PDE10A: variants seen among roughly 807,000 people sequenced by gnomAD.
The protein encoded by PDE10A is phosphodiesterase 10A.
Under a neutral mutation model 97.7 loss-of-function variants are expected in PDE10A, and 39 were observed. The ratio of observed to expected loss-of-function variants is 0.40; its 90% CI spans 0.31 to 0.52. The LOEUF (loss-of-function observed/expected upper bound fraction) is 0.52. Among genes scored for constraint, PDE10A ranks in the 20% least tolerant of loss-of-function variants. The pLI, the probability that PDE10A is intolerant of heterozygous loss-of-function variation, is 0.56. For synonymous variants in PDE10A, 371 were observed against 376.8 expected, an observed-to-expected ratio of 0.98 and a Z score of 0.18; for missense variants, 731 against 1,047.8, an observed-to-expected ratio of 0.70 and a Z score of 4.17.
At position 165,610,548 on chromosome 6, in the gene PDE10A, AAG is replaced by A. The variant is rs1457908979; in HGVS notation, c.865+51397_865+51398del. Among the ~76,000 whole-genome samples, 431 of 151,616 alleles carry A rather than the reference AAG, an allele frequency of 2.8e-3. 1 individual carries two copies. The highest frequency in any genetic ancestry group is 9.6e-3 in the African/African-American group (397 of 41,222). ...TCCGTCTCAAAAAAAAAAAAAAAAAAAGAAAGAAATGGGGAAAGGATTCCCTA... is the reference window on the plus strand; with the variant it reads ...TCCGTCTCAAAAAAAAAAAAAAAAAAAAAGAAATGGGGAAAGGATTCCCTA... On this transcript the variant is annotated intron_variant, in intron 1 of 21. Transcript: ENST00000539869.
At chr6:165,931,659 T>A (rs754610606) in intron 1 of PDE10A, among the ~76,000 whole-genome samples, 5 of 152,218 alleles carry the variant, frequency 3.3e-5, no homozygotes, top group Non-Finnish European at 7.3e-5. Flanking sequence ...CATCTGATAT[T>A]TGTATTCCTT....
At chr6:165,522,770 C>T (rs1233327169) in intron 2 of PDE10A, among the ~76,000 whole-genome samples, 2 of 152,076 alleles carry the variant, frequency 1.3e-5, no homozygotes, top group South Asian at 4.2e-4. Flanking sequence ...GATGATGTAA[C>T]CAGAGCAACT....
At chr6:165,394,248 T>C (rs1476038369) in intron 15 of PDE10A, among the ~76,000 whole-genome samples, 1 of 152,104 alleles carries the variant, frequency 6.6e-6, no homozygotes, top group Non-Finnish European at 1.5e-5. Flanking sequence ...CCCCAGTGTG[T>C]GATGTTCCCC....
chr6:165,825,153 A>AG (rs1779695745), intron 1 of PDE10A, among the ~76,000 whole-genome samples: 1 of 104,696 alleles, frequency 9.6e-6, no homozygotes, highest in Non-Finnish European at 2.0e-5. Context: ...CTCAAAAAAA[A>AG]AAAAAAAAAG....
At chr6:165,747,375 G>A (rs1426918745) in intron 1 of PDE10A, among the ~76,000 whole-genome samples, 1 of 152,058 alleles carries the variant, frequency 6.6e-6, no homozygotes, top group Non-Finnish European at 1.5e-5. Context: ...ACTGGTATGG[G>A]GCACACTCCA....
At chr6:165,792,009 C>T (rs760877879) in intron 1 of PDE10A, among the ~76,000 whole-genome samples, 12 of 152,166 alleles carry the variant, frequency 7.9e-5, no homozygotes, top group Non-Finnish European at 1.3e-4. Context: ...TGGAATCGAT[C>T]GGCTGGTCCT....
intron 18 of PDE10A, among the ~76,000 whole-genome samples, chr6:165,353,241 C>CA (rs1782813147): frequency 6.6e-6 from 1 of 152,008 alleles, no homozygotes; most frequent in Non-Finnish European, 1.5e-5. Context: ...GGTGGGAATG[C>CA]AAAAAGGTAC....
intron 1 of PDE10A, among the ~76,000 whole-genome samples, chr6:165,673,305 T>A (rs1417938699): frequency 1.3e-5 from 2 of 152,186 alleles, no homozygotes; most frequent in Non-Finnish European, 2.9e-5. Flanking sequence ...GCCAACATGG[T>A]ATTTAGTATA....
chr6:165,553,201 G>A (rs1317581454), intron 1 of PDE10A, among the ~76,000 whole-genome samples: 4 of 152,088 alleles, frequency 2.6e-5, no homozygotes, highest in African/African-American at 9.7e-5. Context: ...TTAAGAGATA[G>A]ATAGGCTCTA....
chr6:165,867,230 GAA>G (rs35066433), intron 1 of PDE10A, among the ~76,000 whole-genome samples: 149 of 137,296 alleles, frequency 1.1e-3, no homozygotes, highest in Middle Eastern at 3.7e-3. Flanking sequence ...AGACTGAATG[GAA>G]AAAAAAAAAA....
intron 1 of PDE10A, among the ~76,000 whole-genome samples, chr6:165,943,226 A>AGAAGGAAGGAAGGAAG (rs1562809744): frequency 2.0e-4 from 10 of 50,054 alleles, no homozygotes; most frequent in South Asian, 1.8e-3. Context: ...AAAGAAAGAA[A>AGAAGGAAGGAAGGAAG]GAAAGAAAGA....
At chr6:165,724,258 C>T (rs1312902852) in intron 1 of PDE10A, among the ~76,000 whole-genome samples, 1 of 152,192 alleles carries the variant, frequency 6.6e-6, no homozygotes, top group Admixed American at 6.5e-5. Context: ...ACTAGTCTAA[C>T]CCCTAGGGGC....
chr6:165,766,895 C>G (rs1386170954), intron 1 of PDE10A, among the ~76,000 whole-genome samples: 1 of 152,190 alleles, frequency 6.6e-6, no homozygotes. Context: ...TTTTTCATAT[C>G]AATAGCCATT....
chr6:165,847,151 C>A lies in PDE10A; in HGVS notation c.-615+140378G>T, dbSNP rs565414513. ...ACACACCTAATCACAGCAGATAGAG[C>A]CAGACAGGCTGAAATTCACTGGCTA... On this transcript the variant is annotated intron_variant, in intron 1 of 19. Transcript: ENST00000366882. 1.1e-4 allele frequency among the ~76,000 whole-genome samples: 16 copies of A among 152,296 alleles called. No homozygotes were observed. In the South Asian group the frequency reaches 3.3e-3, roughly 32 times the overall value.
chr6:165,516,334 C>T (rs1781804056), intron 2 of PDE10A, among the ~76,000 whole-genome samples: 1 of 152,196 alleles, frequency 6.6e-6, no homozygotes, highest in African/African-American at 2.4e-5. Flanking sequence ...CTTCAAAACA[C>T]ATCTTAAAAG....
chr6:165,640,970 AG>A (rs1453352984), intron 1 of PDE10A, among the ~76,000 whole-genome samples: 1 of 152,220 alleles, frequency 6.6e-6, no homozygotes, highest in Non-Finnish European at 1.5e-5. Context: ...GTGTCCATGC[AG>A]TCAGAAGAGG....
At chr6:165,437,331 T>G (rs75780776) in intron 5 of PDE10A, among the ~76,000 whole-genome samples, 20,461 of 152,208 alleles carry the variant, frequency 0.13, 1,687 homozygotes, top group Middle Eastern at 0.25. Flanking sequence ...TAACAGACTA[T>G]CTTATACATT....
At chr6:165,344,812 G>T (rs565370168) in intron 18 of PDE10A, among the ~76,000 whole-genome samples, 17 of 152,256 alleles carry the variant, frequency 1.1e-4, no homozygotes, top group African/African-American at 4.1e-4. Context: ...GAGGGTATCA[G>T]GTCTCTTACA....
intron 3 of PDE10A, among the ~76,000 whole-genome samples, chr6:165,458,148 G>T (rs1005730845): frequency 6.6e-6 from 1 of 151,850 alleles, no homozygotes; most frequent in African/African-American, 2.4e-5. Flanking sequence ...TTTTTATATT[G>T]TTTATAATGT....
Sources: allele counts gnomAD v4.1 joint callset (sites outside exome capture counted in the v4.1 genomes callset), GRCh38; gene constraint gnomAD v4.1.1; transcripts MANE v1.5; gene names NCBI Gene and HGNC (gene_info 2026-07-23, HGNC 2026-07-21).